Variants in VEGFC observed in about 807,000 individuals in gnomAD.
The protein encoded by VEGFC is vascular endothelial growth factor C.
Under a neutral mutation model 46.1 loss-of-function variants are expected in VEGFC, and 12 were observed. The observed-to-expected ratio is 0.26, with a 90% CI of 0.17 to 0.42. VEGFC has a LOEUF of 0.42. Ranked by LOEUF, VEGFC falls within the 10% of genes least tolerant of loss-of-function variation. The probability of loss-of-function intolerance (pLI) is 1.00; values close to 1 mark genes in which losing one functional copy is unlikely to be tolerated. For synonymous variants in VEGFC, 232 were observed against 195.5 expected (o/e 1.19, Z -1.56); for missense variants, 488 against 529.4 (o/e 0.92, Z 0.77).
chr4:176,687,493 C>T lies in VEGFC; in HGVS notation c.839G>A (p.Cys280Tyr), dbSNP rs1243377573. Residue 280 changes from cysteine (C) to tyrosine (Y), a missense_variant, in exon 6 of 7, where the codon TGT becomes TAT. Coordinates refer to ENST00000618562, the MANE Select transcript of VEGFC (RefSeq NM_005429.5). ...DDSTDGFHDI[C>Y]GPNKELDEET... ...TTCATCCAGCTCCTTGTTTGGTCCA[C>T]AGATGTCATGGAATCCATCTGTTGA... The T allele has an allele frequency of 6.2e-7, 1 of 1,609,974 alleles. No individual in the cohort carries two copies. The highest frequency in any genetic ancestry group is 8.5e-7 in the Non-Finnish European group (1 of 1,178,044).
intron 1 of VEGFC, among the ~76,000 whole-genome samples, chr4:176,751,731 G>A (rs1482073683): frequency 2.0e-5 from 3 of 151,452 alleles, no homozygotes; most frequent in Admixed American, 6.6e-5. Flanking sequence ...ATGTGTAAAC[G>A]TAAAAAAAAA....
At chr4:176,688,000 G>T in intron 4 of VEGFC, 73 bp from the exon 5 acceptor site, 1 of 748,746 alleles carries the variant, frequency 1.3e-6, no homozygotes, top group Non-Finnish European at 2.2e-6. Context: ...GCTCACATAT[G>T]TATCAAAATA....
rs973771311 is a variant in VEGFC at position 176,792,137 on chromosome 4, T to G, written c.147+28A>C. ...GCAGACCCTAACGCAAACTCTCGGG[T>G]TCTCCGCAAACCCTAACGCAGACCT... On this transcript the variant is annotated intron_variant, in intron 1 of 6. Transcript: ENST00000618562. This position sits in a 1 kb window ranked among gnomAD's most constrained non-coding sequence, Gnocchi z 6.3. 1 of 1,434,318 alleles carries G rather than the reference T, an allele frequency of 7.0e-7. No homozygotes were observed. Among genetic ancestry groups the G allele is most frequent in the Non-Finnish European group, 9.2e-7 (1 of 1,091,316 alleles). The allele number at this position is 1,434,318 out of a possible 1,614,324, so 88.8% of individuals were successfully genotyped here.
chr4:176,740,114 T>TAGA (rs1402104933), intron 1 of VEGFC, among the ~76,000 whole-genome samples: 11 of 127,308 alleles, frequency 8.6e-5, no homozygotes, highest in Non-Finnish European at 1.3e-4. Context: ...ATTCTATATA[T>TAGA]ATATTCTATA....
chr4:176,734,804 T>C (rs1420407712), intron 1 of VEGFC, among the ~76,000 whole-genome samples: 3 of 151,854 alleles, frequency 2.0e-5, no homozygotes, highest in African/African-American at 7.2e-5. Flanking sequence ...GGGTTTCAGT[T>C]ATAAAATGGC....
Position 176,708,670 on chromosome 4 carries a change from C to CAT in VEGFC, c.704+2827_704+2828dup, listed in dbSNP as rs577697651. Among the ~76,000 whole-genome samples, 122 of 152,050 alleles carry CAT rather than the reference C, an allele frequency of 8.0e-4. 1 individual carries two copies. Among genetic ancestry groups the CAT allele is most frequent in the African/African-American group, 2.6e-3 (109 of 41,486 alleles). On this transcript the variant is annotated intron_variant, in intron 4 of 6. Coordinates refer to ENST00000618562, the MANE Select transcript of VEGFC (RefSeq NM_005429.5). The stretch of plus-strand genomic sequence containing the variant: ...CTAATTTAAAATTCTCTAATATCGA[C>CAT]ATATATATATACACAGAGACACACT...
chr4:176,704,571 C>T (rs753115302), intron 4 of VEGFC, among the ~76,000 whole-genome samples: 4 of 152,054 alleles, frequency 2.6e-5, no homozygotes, highest in Non-Finnish European at 5.9e-5. Flanking sequence ...CTTTCTATCC[C>T]CATATCCACT....
At chr4:176,788,582 G>C (rs1000361334) in intron 1 of VEGFC, among the ~76,000 whole-genome samples, 1 of 152,256 alleles carries the variant, frequency 6.6e-6, no homozygotes, top group South Asian at 2.1e-4. Context: ...ATACAGTAGA[G>C]TACCTGTTGT....
chr4:176,735,598 C>A (rs77770478), intron 1 of VEGFC, among the ~76,000 whole-genome samples: 1,658 of 151,898 alleles, frequency 0.011, 15 homozygotes, highest in Non-Finnish European at 0.018. Context: ...TATTTTTGCC[C>A]ATTCTGGTGT....
chr4:176,751,702 A>C (rs1287873656), intron 1 of VEGFC, among the ~76,000 whole-genome samples: 1 of 152,016 alleles, frequency 6.6e-6, no homozygotes, highest in African/African-American at 2.4e-5. Context: ...ATTTACAAAA[A>C]GTTGGATAGA....
At position 176,792,598 on chromosome 4, in the gene VEGFC, G is replaced by T; in HGVS notation, c.-287C>A. On this transcript the variant is annotated 5_prime_UTR_variant, in exon 1 of 7. Transcript: ENST00000618562. This position sits in a 1 kb window ranked among gnomAD's most constrained non-coding sequence, Gnocchi z 6.3. The stretch of plus-strand genomic sequence containing the variant: ...CCGCATTCGGAGCCCGCGAGGTGAA[G>T]CGAGGGCGAGGGAGGACGCCGCCGC... The T allele has an allele frequency of 3.3e-6, 1 of 307,624 alleles. No individual in the cohort carries two copies. The highest frequency in any genetic ancestry group is 5.9e-6 in the Non-Finnish European group (1 of 169,074). The allele number at this position is 307,624 out of a possible 1,614,324, so 19.1% of individuals were successfully genotyped here.
At chr4:176,691,682 C>A (rs1337937947) in intron 4 of VEGFC, among the ~76,000 whole-genome samples, 1 of 152,108 alleles carries the variant, frequency 6.6e-6, no homozygotes, top group African/African-American at 2.4e-5. Flanking sequence ...TAAATAAAAT[C>A]TTAGTTTGCA....
intron 1 of VEGFC, among the ~76,000 whole-genome samples, chr4:176,730,908 A>G (rs549085126): frequency 2.6e-5 from 4 of 152,226 alleles, no homozygotes; most frequent in African/African-American, 9.6e-5. Context: ...TAATTTCATT[A>G]TAACAGAGCC....
chr4:176,744,458 C>T (rs1184052539), intron 1 of VEGFC, among the ~76,000 whole-genome samples: 6 of 151,898 alleles, frequency 4.0e-5, no homozygotes, highest in African/African-American at 1.2e-4. Flanking sequence ...CTCTCCATTC[C>T]GTTTATAACC....
chr4:176,701,230 C>A (rs1734426832), intron 4 of VEGFC, among the ~76,000 whole-genome samples: 1 of 152,158 alleles, frequency 6.6e-6, no homozygotes, highest in Non-Finnish European at 1.5e-5. Flanking sequence ...ATACTTTCTG[C>A]TTTTTCTGTA....
chr4:176,732,904 G>C (rs959983566), intron 1 of VEGFC, among the ~76,000 whole-genome samples: 13 of 151,758 alleles, frequency 8.6e-5, no homozygotes, highest in Admixed American at 7.9e-4. Flanking sequence ...CATTTACAAA[G>C]CACATAACTG....
At chr4:176,735,253 A>G (rs1355962194) in intron 1 of VEGFC, among the ~76,000 whole-genome samples, 1 of 151,872 alleles carries the variant, frequency 6.6e-6, no homozygotes, top group Non-Finnish European at 1.5e-5. Context: ...TCATTATATG[A>G]CTTTAGATAT....
chr4:176,764,176 A>G (rs1224246416), intron 1 of VEGFC, among the ~76,000 whole-genome samples: 1 of 152,230 alleles, frequency 6.6e-6, no homozygotes, highest in East Asian at 1.9e-4. Flanking sequence ...TCCTGGGCAG[A>G]AACATAAAGT....
intron 5 of VEGFC, 136 bp from the exon 6 acceptor site, chr4:176,687,656 T>C (rs1734069023): frequency 9.8e-7 from 1 of 1,024,764 alleles, no homozygotes; most frequent in South Asian, 1.8e-5. Context: ...TATGTTCCTT[T>C]ATAAAGGAGT....
Sources: allele counts gnomAD v4.1 joint callset (sites outside exome capture counted in the v4.1 genomes callset), GRCh38; gene constraint gnomAD v4.1.1; non-coding constraint Gnocchi (gnomAD v3.1); transcripts MANE v1.5; gene names NCBI Gene and HGNC (gene_info 2026-07-23, HGNC 2026-07-21).